APP: variants seen among roughly 807,000 people sequenced by gnomAD.
APP encodes the protein amyloid-beta precursor protein.
Under a neutral mutation model 101.4 loss-of-function variants are expected in APP, and 31 were observed. That is an observed-to-expected ratio of 0.31 (90% CI 0.23 to 0.41). The LOEUF is 0.41. Among genes scored for constraint, APP ranks in the 10% least tolerant of loss-of-function variants. APP has a pLI of 1.00. For missense variants in APP, 839 were observed against 1,003.7 expected (o/e 0.84, Z 2.22); for synonymous variants, 366 against 364.4 (o/e 1.00, Z -0.05).
chr21:26,093,986 C>T (rs1170820862), intron 2 of APP, among the ~76,000 whole-genome samples: 3 of 151,974 alleles, frequency 2.0e-5, no homozygotes, highest in Non-Finnish European at 2.9e-5. Flanking sequence ...TCATGGCACA[C>T]GCCTGTTAAG....
intron 11 of APP, among the ~76,000 whole-genome samples, chr21:25,969,529 C>T (rs2041930165): frequency 6.6e-6 from 1 of 151,838 alleles, no homozygotes; most frequent in Non-Finnish European, 1.5e-5. Flanking sequence ...ACCACCCAGC[C>T]ACATTTTATT....
chr21:25,989,101 C>T (rs57545128), intron 8 of APP, among the ~76,000 whole-genome samples: 45,816 of 151,970 alleles, frequency 0.3, 7,691 homozygotes, highest in African/African-American at 0.45. Context: ...GGCCAAGACA[C>T]CAACGAAACA....
intron 3 of APP, among the ~76,000 whole-genome samples, chr21:26,060,885 G>A (rs529237546): frequency 9.8e-5 from 15 of 152,332 alleles, no homozygotes; most frequent in East Asian, 3.9e-4. Flanking sequence ...GTGGGCAAGC[G>A]AGTGAGTGAC....
chr21:26,118,111 A>G (rs1347101738), intron 1 of APP, among the ~76,000 whole-genome samples: 1 of 151,436 alleles, frequency 6.6e-6, no homozygotes, highest in Non-Finnish European at 1.5e-5. Flanking sequence ...TTGACCCAAA[A>G]CTCCTACCCA....
chr21:26,001,464 A>C (rs186282599), intron 6 of APP, among the ~76,000 whole-genome samples: 22 of 152,348 alleles, frequency 1.4e-4, no homozygotes, highest in African/African-American at 5.3e-4. Flanking sequence ...CTAAAAGATG[A>C]AAGCCACGCA....
intron 11 of APP, among the ~76,000 whole-genome samples, chr21:25,970,341 C>T (rs1323590006): frequency 1.3e-5 from 2 of 152,156 alleles, no homozygotes; most frequent in Non-Finnish European, 2.9e-5. Flanking sequence ...AGCCTCCATT[C>T]AGCCCTCAGC....
intron 2 of APP, among the ~76,000 whole-genome samples, chr21:26,098,951 A>G (rs1205209321): frequency 6.6e-6 from 1 of 152,168 alleles, no homozygotes; most frequent in East Asian, 1.9e-4. Context: ...TAGTTAAGGG[A>G]AAAAACCTGC....
At position 25,978,034 on chromosome 21, in the gene APP, A is replaced by G. The variant is rs577194167; in HGVS notation, c.1225-2006T>C. 5.3e-5 allele frequency among the ~76,000 whole-genome samples: 8 copies of G among 152,360 alleles called. No individual in the cohort carries two copies. In the East Asian group the frequency reaches 1.5e-3, roughly 29 times the overall value. ...ACTGCAATGTGAGAACTGATTTCCCATATTACATTTACATTTTTTCCATTT... is the reference window on the plus strand; with the variant it reads ...ACTGCAATGTGAGAACTGATTTCCCGTATTACATTTACATTTTTTCCATTT... On this transcript the variant is annotated intron_variant, in intron 9 of 17. Transcript: ENST00000346798.
At chr21:25,904,569 T>G (rs560095675) in intron 15 of APP, among the ~76,000 whole-genome samples, 22 of 152,314 alleles carry the variant, frequency 1.4e-4, no homozygotes, top group Admixed American at 5.2e-4. Context: ...AGTAACTGAT[T>G]GAAGTTTGAG....
At chr21:26,042,249 TACA>T in intron 5 of APP, among the ~76,000 whole-genome samples, 2 of 152,208 alleles carry the variant, frequency 1.3e-5, no homozygotes, top group Non-Finnish European at 2.9e-5. Flanking sequence ...TATAGTCAAA[TACA>T]GCCTCTCTTT....
intron 1 of APP, among the ~76,000 whole-genome samples, chr21:26,128,775 T>C (rs892192087): frequency 5.3e-5 from 8 of 152,112 alleles, no homozygotes; most frequent in African/African-American, 1.7e-4. Flanking sequence ...AACCAAGGTT[T>C]CCCAAAATGT....
In APP at chr21:25,996,671, A is replaced by G. The variant is rs1156675556; in HGVS notation, c.1090+689T>C. Among the ~76,000 whole-genome samples the G allele has an allele frequency of 2.0e-5, 3 of 152,210 alleles. No individual in the cohort carries two copies. The East Asian group carries it at 5.8e-4, about 29-fold the overall frequency. ...TAATGCTTGCTTAGAAGTTCCACTGACTGACTTAGGCACCTTCAGAATTCT... is the reference window on the plus strand; with the variant it reads ...TAATGCTTGCTTAGAAGTTCCACTGGCTGACTTAGGCACCTTCAGAATTCT... On this transcript the variant is annotated intron_variant, in intron 8 of 17. Coordinates refer to ENST00000346798, the MANE Select transcript of APP (RefSeq NM_000484.4).
intron 11 of APP, among the ~76,000 whole-genome samples, chr21:25,972,591 C>T (rs966201220): frequency 1.3e-5 from 2 of 151,950 alleles, no homozygotes; most frequent in African/African-American, 4.8e-5. Flanking sequence ...GATGGGAGTA[C>T]AGTCATGCAA....
chr21:25,897,509 C>T (rs1469610635), intron 16 of APP, 64 bp downstream of exon 16: 2 of 1,208,064 alleles, frequency 1.7e-6, no homozygotes, highest in Admixed American at 3.4e-5. Context: ...ACAGGATGAA[C>T]CAGAGTTAAT....
chr21:25,943,981 A>G (rs1347956940), intron 13 of APP, among the ~76,000 whole-genome samples: 1 of 152,226 alleles, frequency 6.6e-6, no homozygotes, highest in Non-Finnish European at 1.5e-5. Flanking sequence ...AGCTGAAGAC[A>G]TAGGTCCACA....
At chr21:26,134,932 C>T (rs1018010271) in intron 1 of APP, among the ~76,000 whole-genome samples, 6 of 152,154 alleles carry the variant, frequency 3.9e-5, no homozygotes, top group African/African-American at 9.7e-5. Flanking sequence ...CTTAAAACTT[C>T]GATGTTTCTA....
At chr21:25,891,982 G>C in intron 16 of APP, 114 bp from the exon 17 acceptor site, 2 of 1,122,264 alleles carry the variant, frequency 1.8e-6, no homozygotes, top group Non-Finnish European at 2.5e-6. Context: ...TTTGGATGAG[G>C]TTATATAAAA....
At chr21:25,929,911 G>A (rs1368382208) in intron 13 of APP, among the ~76,000 whole-genome samples, 1 of 152,080 alleles carries the variant, frequency 6.6e-6, no homozygotes, top group Non-Finnish European at 1.5e-5. Flanking sequence ...TTCTGCTGGA[G>A]CTCTGAACCC....
rs910511862 is a variant in APP at position 26,167,814 on chromosome 21, C to T, written c.57+2750G>A. ...GCAGTACTAATAGCCTTGCAAATGT[C>T]GTTCAGGAGCCTCTGCTGGTTCCGG... On this transcript the variant is annotated intron_variant, in intron 1 of 17. Coordinates refer to ENST00000346798, the MANE Select transcript of APP (RefSeq NM_000484.4). 2.6e-5 allele frequency among the ~76,000 whole-genome samples: 4 copies of T among 152,150 alleles called. 1 individual carries two copies. The South Asian group carries it at 8.3e-4, about 31-fold the overall frequency.
Sources: allele counts gnomAD v4.1 joint callset (sites outside exome capture counted in the v4.1 genomes callset), GRCh38; gene constraint gnomAD v4.1.1; transcripts MANE v1.5; gene names NCBI Gene and HGNC (gene_info 2026-07-23, HGNC 2026-07-21).